SNX24: variants seen among roughly 807,000 people sequenced by gnomAD.
SNX24 encodes sorting nexin 24, also known as sorting nexin-24.
Under a neutral mutation model 28.7 loss-of-function variants are expected in SNX24, and 22 were observed. The observed-to-expected ratio is 0.77, with a 90% confidence interval of 0.55 to 1.10. The LOEUF is 1.10. Among genes scored for constraint, SNX24 ranks in the 50% least tolerant of loss-of-function variants. The pLI is 0.00. For synonymous variants in SNX24, 69 were observed against 71.5 expected (o/e 0.96, Z 0.18); for missense variants, 221 against 201.1 (o/e 1.10, Z -0.60).
rs188693444 is a variant in SNX24, at chr5:122,884,368, C to T, written c.60+38675C>T. ...CCTGGTTCAAGCGATTCTCTTGCCTCAGACTCCCGAATAGTTGGGTGGAAT... is the reference window on the plus strand; with the variant it reads ...CCTGGTTCAAGCGATTCTCTTGCCTTAGACTCCCGAATAGTTGGGTGGAAT... On this transcript the variant is annotated intron_variant, in intron 1 of 6. Coordinates refer to ENST00000261369, the MANE Select transcript of SNX24 (RefSeq NM_014035.4). 4.9e-4 allele frequency among the ~76,000 whole-genome samples: 74 copies of T among 150,204 alleles called. No individual in the cohort carries two copies. In the East Asian group the frequency reaches 0.015, roughly 30 times the overall value.
At chr5:122,904,618 C>G (rs1050692809) in intron 1 of SNX24, among the ~76,000 whole-genome samples, 1 of 152,074 alleles carries the variant, frequency 6.6e-6, no homozygotes, top group African/African-American at 2.4e-5. Context: ...AAAAATGTTT[C>G]TTGCAGTTAC....
intron 2 of SNX24, among the ~76,000 whole-genome samples, chr5:122,938,404 G>A (rs1759275460): frequency 6.6e-6 from 1 of 152,082 alleles, no homozygotes; most frequent in Admixed American, 6.5e-5. Flanking sequence ...ATATAATGAG[G>A]TCTACTAGCA....
intron 3 of SNX24, among the ~76,000 whole-genome samples, chr5:122,982,695 T>C (rs528544959): frequency 3.3e-5 from 5 of 152,222 alleles, no homozygotes; most frequent in Non-Finnish European, 7.3e-5. Context: ...GAAAGAAATA[T>C]GTACAGTGAT....
intron 1 of SNX24, among the ~76,000 whole-genome samples, chr5:122,900,675 G>T (rs1408177843): frequency 6.6e-6 from 1 of 152,014 alleles, no homozygotes; most frequent in African/African-American, 2.4e-5. Context: ...AGGCTGAGGC[G>T]GGAGGATTGC....
At chr5:122,980,907 AT>A (rs1335719879) in intron 3 of SNX24, among the ~76,000 whole-genome samples, 1 of 152,070 alleles carries the variant, frequency 6.6e-6, no homozygotes, top group Non-Finnish European at 1.5e-5. Context: ...ACAGAGAGCC[AT>A]TGCCTCTGAA....
intron 1 of SNX24, among the ~76,000 whole-genome samples, chr5:122,914,575 C>T (rs1361612108): frequency 1.3e-5 from 2 of 150,716 alleles, no homozygotes; most frequent in African/African-American, 2.4e-5. Flanking sequence ...AATTTCAGAT[C>T]CTGTTATTGG....
intron 3 of SNX24, among the ~76,000 whole-genome samples, chr5:122,966,128 A>C (rs182567153): frequency 1.1e-4 from 16 of 152,248 alleles, no homozygotes; most frequent in Non-Finnish European, 1.6e-4. Flanking sequence ...CATTTGCCAT[A>C]TTCTGAATCA....
intron 1 of SNX24, among the ~76,000 whole-genome samples, chr5:122,887,186 G>A (rs1756755103): frequency 6.6e-6 from 1 of 152,124 alleles, no homozygotes; most frequent in African/African-American, 2.4e-5. Flanking sequence ...TATACTCTGG[G>A]TGGAGAGTTT....
rs569500904 is a variant in SNX24 at position 122,926,322 on chromosome 5, A to C, written c.61-10412A>C. 2.5e-4 allele frequency among the ~76,000 whole-genome samples: 38 copies of C among 152,264 alleles called. No homozygotes were observed. The South Asian group carries it at 5.2e-3, about 21-fold the overall frequency. On this transcript the variant is annotated intron_variant, in intron 1 of 6. Coordinates refer to ENST00000261369, the MANE Select transcript of SNX24 (RefSeq NM_014035.4). ...AGTGAGAGGGAGTAGGAAGTGAGGA[A>C]GGATCTGTTAGAGGATTGAAAAGGG... is the stretch of plus-strand genomic sequence containing the variant.
intron 1 of SNX24, among the ~76,000 whole-genome samples, chr5:122,925,853 C>A (rs1343997205): frequency 6.6e-6 from 1 of 152,142 alleles, no homozygotes; most frequent in Non-Finnish European, 1.5e-5. Context: ...TGCTGTGTTG[C>A]AAGGTAATGT....
intron 2 of SNX24, among the ~76,000 whole-genome samples, chr5:122,937,504 G>C (rs908121421): frequency 4.6e-5 from 7 of 152,108 alleles, no homozygotes; most frequent in African/African-American, 9.7e-5. Flanking sequence ...ATTTTTTCTA[G>C]ATTATAAGTT....
intron 1 of SNX24, among the ~76,000 whole-genome samples, chr5:122,889,990 C>T (rs916059211): frequency 5.3e-5 from 8 of 151,018 alleles, no homozygotes; most frequent in African/African-American, 1.9e-4. Context: ...TAGTCTCCTT[C>T]AATCTGGAAC....
At chr5:122,923,432 T>C (rs1758533191) in intron 1 of SNX24, among the ~76,000 whole-genome samples, 1 of 152,200 alleles carries the variant, frequency 6.6e-6, no homozygotes, top group Non-Finnish European at 1.5e-5. Context: ...AGGAGCTTAC[T>C]TTCCTCTTGT....
rs142573444 is a variant in SNX24 at position 122,887,998 on chromosome 5, G to A, written c.60+42305G>A. ...ATTACAGGCGTGAGCCACCGCACTC[G>A]GCCTATATTGTATAAATATATAGGA... On this transcript the variant is annotated intron_variant, in intron 1 of 6. Transcript: ENST00000261369. 4.1e-3 allele frequency among the ~76,000 whole-genome samples: 617 copies of A among 152,216 alleles called. 4 individuals carry two copies. The highest frequency in any genetic ancestry group is 7.0e-3 in the Non-Finnish European group (479 of 68,020).
chr5:122,956,209 G>A (rs1760201866), intron 3 of SNX24, among the ~76,000 whole-genome samples: 1 of 152,050 alleles, frequency 6.6e-6, no homozygotes, highest in Admixed American at 6.6e-5. Context: ...GAATGCCACA[G>A]ACGTTCTATT....
At chr5:122,905,946 G>A (rs1757628754) in intron 1 of SNX24, among the ~76,000 whole-genome samples, 1 of 152,174 alleles carries the variant, frequency 6.6e-6, no homozygotes, top group African/African-American at 2.4e-5. Flanking sequence ...TACCTACTAT[G>A]TGGTAAAGTC....
chr5:122,918,437 T>C (rs1006148583), intron 1 of SNX24, among the ~76,000 whole-genome samples: 1 of 152,212 alleles, frequency 6.6e-6, no homozygotes, highest in African/African-American at 2.4e-5. Context: ...TGTACAGCTC[T>C]TCCTTAGGAC....
At chr5:122,947,051 A>G (rs1436006374) in intron 3 of SNX24, among the ~76,000 whole-genome samples, 2 of 152,194 alleles carry the variant, frequency 1.3e-5, no homozygotes. Context: ...GATGGAGTGA[A>G]CATGGCTGGG....
chr5:122,914,124 GGGGAGAGGGAGA>G (rs566906586), intron 1 of SNX24, among the ~76,000 whole-genome samples: 1 of 152,080 alleles, frequency 6.6e-6, no homozygotes, highest in Admixed American at 6.5e-5. Flanking sequence ...GGGAGACCGT[GGGGAGAGGGAGA>G]GGGAGAGGGA....
Sources: allele counts gnomAD v4.1 joint callset (sites outside exome capture counted in the v4.1 genomes callset), GRCh38; gene constraint gnomAD v4.1.1; transcripts MANE v1.5; gene names NCBI Gene and HGNC (gene_info 2026-07-23, HGNC 2026-07-21).